The following PHIP variants were observed in gnomAD, a reference collection of about 807,000 sequenced individuals.
PHIP encodes the protein PHIP subunit of CUL4-Ring ligase complex.
PHIP carries 54 observed loss-of-function variants against 236.8 expected under a neutral mutation model. That is an observed-to-expected ratio of 0.23 (90% CI 0.18 to 0.29). The LOEUF (loss-of-function observed/expected upper bound fraction) is 0.29, where lower values mean the gene tolerates loss of function less well. Among genes scored for constraint, PHIP ranks in the 10% least tolerant of loss-of-function variants. PHIP has a pLI of 1.00. For synonymous variants in PHIP, 756 were observed against 718.9 expected (o/e 1.05, Z -0.83); for missense variants, 1,370 against 2,190.8 (o/e 0.63, Z 7.48).
chr6:79,053,927 G>A (rs1234919700), intron 6 of PHIP, among the ~76,000 whole-genome samples: 1 of 151,984 alleles, frequency 6.6e-6, no homozygotes, highest in Non-Finnish European at 1.5e-5. Context: ...AGTTACAGAA[G>A]AAATTAAAAC....
rs1773254203 is a variant in PHIP at position 78,935,850 on chromosome 6, C to A, written c.*4843G>T. ...AAACTTTAAAAAGCAAATAATAAAT[C>A]ATGAGGCTCTACAAAATAGCTTAGA... is the stretch of plus-strand genomic sequence containing the variant. On this transcript the variant is annotated 3_prime_UTR_variant, in exon 40 of 40. Coordinates refer to ENST00000275034, the MANE Select transcript of PHIP (RefSeq NM_017934.7). 2 of 555,024 alleles carry A rather than the reference C, an allele frequency of 3.6e-6. No individual in the cohort carries two copies. The highest frequency in any genetic ancestry group is 4.6e-6 in the Non-Finnish European group (2 of 436,794). 34.4% of individuals were successfully genotyped at this position (555,024 alleles called of 1,614,324 possible).
chr6:79,026,997 T>C (rs1771438750), intron 7 of PHIP, among the ~76,000 whole-genome samples: 2 of 152,064 alleles, frequency 1.3e-5, no homozygotes, highest in Non-Finnish European at 2.9e-5. Flanking sequence ...TTTTGCAAAA[T>C]TACTGAATAT....
chr6:78,935,768 C>T lies in PHIP; in HGVS notation c.*4925G>A. 1 of 984,312 alleles carries T rather than the reference C, an allele frequency of 1.0e-6. No homozygotes were observed. The highest frequency in any genetic ancestry group is 1.2e-6 in the Non-Finnish European group (1 of 829,006). 61.0% of individuals were successfully genotyped at this position (984,312 alleles called of 1,614,324 possible). A position where few individuals can be genotyped will look rare whatever the true frequency, so the allele number is the denominator to read the frequency against. ...TTACATAATGGTATCTGCCATATGA[C>T]CACTTTGGTAAGCAGCTTGTTGAGA... On this transcript the variant is annotated 3_prime_UTR_variant, in exon 40 of 40. Transcript: ENST00000275034.
chr6:79,025,671 A>G (rs1562189097), intron 8 of PHIP, 52 bp from the exon 9 acceptor site: 1 of 1,164,252 alleles, frequency 8.6e-7, no homozygotes, highest in Non-Finnish European at 1.3e-6. Context: ...CACAGTCAAA[A>G]TAAAATCTAC....
At chr6:78,977,683 A>T (rs1768206324) in intron 24 of PHIP, among the ~76,000 whole-genome samples, 1 of 152,186 alleles carries the variant, frequency 6.6e-6, no homozygotes, top group South Asian at 2.1e-4. Context: ...TGTTGAAATA[A>T]TGTATTAAAT....
intron 27 of PHIP, among the ~76,000 whole-genome samples, chr6:78,968,621 G>C (rs939044443): frequency 7.9e-5 from 12 of 152,194 alleles, no homozygotes; most frequent in Non-Finnish European, 1.5e-4. Flanking sequence ...TAAAAAGTAT[G>C]TGTATTATAT....
At chr6:78,953,855 G>A (rs1362750749) in intron 35 of PHIP, among the ~76,000 whole-genome samples, 1 of 151,936 alleles carries the variant, frequency 6.6e-6, no homozygotes, top group Non-Finnish European at 1.5e-5. Context: ...CAAAGTGCTG[G>A]GATTACAGGT....
intron 15 of PHIP, among the ~76,000 whole-genome samples, chr6:79,014,187 T>C (rs1770726891): frequency 6.6e-6 from 1 of 151,756 alleles, no homozygotes; most frequent in African/African-American, 2.4e-5. Context: ...GAAATAACTT[T>C]ACTCTGATTA....
At chr6:79,005,269 T>C (rs1340971016) in intron 15 of PHIP, among the ~76,000 whole-genome samples, 2 of 151,974 alleles carry the variant, frequency 1.3e-5, no homozygotes, top group African/African-American at 2.4e-5. Flanking sequence ...AGAAGGTAAC[T>C]GATTCCAAGT....
rs2127674091 is a variant in PHIP at position 78,937,133 on chromosome 6, G to T, written c.*3560C>A. 5 of 151,760 alleles carry T rather than the reference G, an allele frequency of 3.3e-5. No homozygotes were observed. The South Asian group carries it at 1.0e-3, about 31-fold the overall frequency. 9.4% of individuals were successfully genotyped at this position (151,760 alleles called of 1,614,324 possible). On this transcript the variant is annotated 3_prime_UTR_variant, in exon 40 of 40. Coordinates refer to ENST00000275034, the MANE Select transcript of PHIP (RefSeq NM_017934.7). ...CACTTACAGTCCTTTAATCACTCAA[G>T]TATCTTGGTCCTTTCAACCTACTCA...
chr6:78,950,320 C>T (rs1774071080), intron 35 of PHIP, among the ~76,000 whole-genome samples: 1 of 152,090 alleles, frequency 6.6e-6, no homozygotes, highest in African/African-American at 2.4e-5. Flanking sequence ...TTCTTTTCTA[C>T]TCTTATTGTC....
rs1770021257 is a variant in PHIP, at chr6:79,001,914, C to T, written c.1864G>A (p.Gly622Arg). ...GAGCACCTACCTGAGGAAGTTACTC[C>T]CATCTGAGGGATGAGTTGCTCCTCC... is the stretch of plus-strand genomic sequence containing the variant. ...CREEQLIPQM[G>R]VTSSGLNQVL... The change falls in exon 17 of 40, where the codon GGA becomes AGA. Residue 622 changes from glycine to arginine, a missense_variant. Coordinates refer to ENST00000275034, the MANE Select transcript of PHIP (RefSeq NM_017934.7). 6.2e-7 allele frequency: 1 copy of T among 1,609,280 alleles called. No individual in the cohort carries two copies.
intron 15 of PHIP, among the ~76,000 whole-genome samples, chr6:79,009,834 G>T (rs1245713865): frequency 2.0e-5 from 3 of 151,804 alleles, no homozygotes; most frequent in African/African-American, 7.3e-5. Flanking sequence ...CACATTCATG[G>T]CAACAGATTA....
intron 23 of PHIP, among the ~76,000 whole-genome samples, chr6:78,981,326 GAGATAACT>G (rs1316535331): frequency 6.6e-6 from 1 of 151,882 alleles, no homozygotes; most frequent in African/African-American, 2.4e-5. Context: ...ATGTTTATTT[GAGATAACT>G]AGAGGACTAG....
intron 27 of PHIP, among the ~76,000 whole-genome samples, chr6:78,968,043 T>C (rs1582127685): frequency 6.6e-6 from 1 of 151,320 alleles, no homozygotes; most frequent in South Asian, 2.1e-4. Context: ...GAGGCTGAGG[T>C]AGAATGGTGT....
At chr6:78,988,092 C>CAA (rs981390179) in intron 21 of PHIP, 117 bp downstream of exon 21, 8 of 626,950 alleles carry the variant, frequency 1.3e-5, no homozygotes, top group Admixed American at 1.1e-4. Context: ...CATAAGACCC[C>CAA]AAAATGCCAT....
intron 4 of PHIP, among the ~76,000 whole-genome samples, chr6:79,075,783 G>A (rs1774126808): frequency 6.6e-6 from 1 of 152,094 alleles, no homozygotes; most frequent in Non-Finnish European, 1.5e-5. Context: ...CTTAAGGTTT[G>A]TGGGTTTTTA....
Position 79,026,137 on chromosome 6 carries a change from A to G in PHIP, c.628T>C (p.Trp210Arg). ...AACAACCTCCCATCATCTGTTGCCC[A>G]TATTTTCACAAGACAGTCATCAGAA... is the stretch of plus-strand genomic sequence containing the variant. The part of the protein sequence containing the change: ...TGSDDCLVKI[W>R]ATDDGRLLAT... The change falls in exon 8 of 40, where the codon TGG (tryptophan) becomes CGG (arginine). Residue 210 changes from tryptophan to arginine, a missense_variant. Transcript: ENST00000275034. The G allele has an allele frequency of 6.2e-7, 1 of 1,613,720 alleles. No individual in the cohort carries two copies. Among genetic ancestry groups the G allele is most frequent in the Non-Finnish European group, 8.5e-7 (1 of 1,179,620 alleles).
At chr6:79,060,420 A>AT in intron 6 of PHIP, 58 bp downstream of exon 6, 1 of 1,213,078 alleles carries the variant, frequency 8.2e-7, no homozygotes, top group Non-Finnish European at 1.2e-6. Flanking sequence ...AAACCTTTTC[A>AT]TTTTCAAAAG....
Sources: allele counts gnomAD v4.1 joint callset (sites outside exome capture counted in the v4.1 genomes callset), GRCh38; gene constraint gnomAD v4.1.1; transcripts MANE v1.5; gene names NCBI Gene and HGNC (gene_info 2026-07-23, HGNC 2026-07-21).